Variants in SEPHS2 observed in about 807,000 individuals in gnomAD.
The protein encoded by SEPHS2 is selenide, water dikinase 2.
In SEPHS2, 11 loss-of-function variants were observed where a neutral mutation model predicts 23.9. The observed-to-expected ratio is 0.46, with a 90% CI of 0.29 to 0.76. The LOEUF (loss-of-function observed/expected upper bound fraction) is 0.76. Among genes scored for constraint, SEPHS2 ranks in the 30% least tolerant of loss-of-function variants. The probability of loss-of-function intolerance (pLI) is 0.10; values close to 1 mark genes in which losing one functional copy is unlikely to be tolerated. For synonymous variants in SEPHS2, 239 were observed against 247.5 expected, an observed-to-expected ratio of 0.97 and a Z score of 0.32; for missense variants, 541 against 592.5, an observed-to-expected ratio of 0.91 and a Z score of 0.90.
Position 30,444,723 on chromosome 16 carries a change from A to G in SEPHS2, c.1005T>C (p.Asn335=). Residue 335 remains asparagine (N), a synonymous_variant, in exon 1 of 1, where the codon AAT becomes AAC. Coordinates refer to ENST00000478753, the MANE Select transcript of SEPHS2 (RefSeq NM_012248.4). The surrounding 1 kb of genome is among the most constrained non-coding windows in gnomAD (Gnocchi z 4.0). The part of the protein sequence containing the change: ...HSQNLAKQQR[N]EVSFVIHNLP... ...GATTATGAATAACAAAGGACACTTC[A>G]TTTCTTTGTTGTTTTGCAAGGTTCT... is the stretch of plus-strand genomic sequence containing the variant. The G allele has an allele frequency of 1.9e-6, 3 of 1,604,432 alleles. No homozygotes were observed. Among genetic ancestry groups the G allele is most frequent in the Non-Finnish European group, 1.7e-6 (2 of 1,173,534 alleles).
rs1274353351 is a variant in SEPHS2 at position 30,444,311 on chromosome 16, T to A, written c.*70A>T. On this transcript the variant is annotated 3_prime_UTR_variant, in exon 1 of 1. Transcript: ENST00000478753. This position sits in a 1 kb window ranked among gnomAD's most constrained non-coding sequence, Gnocchi z 4.0. ...AGCCTTCTTTGGAAATTTCTTACAA[T>A]CAACTCTTGAGAACCATCCGTGATT... 2.7e-6 allele frequency: 4 copies of A among 1,468,452 alleles called. No individual in the cohort carries two copies. The highest frequency in any genetic ancestry group is 3.7e-6 in the Non-Finnish European group (4 of 1,092,786). 91.0% of individuals were successfully genotyped at this position (1,468,452 alleles called of 1,614,324 possible).
rs748387162 is a variant in SEPHS2 at position 30,445,105 on chromosome 16, G to C, written c.623C>G (p.Thr208Arg). ...GFRDAAEEGG[T>R]AVTGGQTVVN... Reference sequence around the variant, plus strand: ...CACCGTTTGCCCACCGGTCACTGCCGTCCCTCCTTCCTCAGCCGCATCCCG... The same window carrying C: ...CACCGTTTGCCCACCGGTCACTGCCCTCCCTCCTTCCTCAGCCGCATCCCG... The change falls in exon 1 of 1, where the codon ACG becomes AGG. Residue 208 changes from threonine (T) to arginine (R), a missense_variant. By Grantham distance (71) the Thr-to-Arg change is moderately conservative. Coordinates refer to ENST00000478753, the MANE Select transcript of SEPHS2 (RefSeq NM_012248.4). 3 of 1,601,172 alleles carry C rather than the reference G, an allele frequency of 1.9e-6. No individual in the cohort carries two copies. The highest frequency in any genetic ancestry group is 2.6e-6 in the Non-Finnish European group (3 of 1,171,972).
chr16:30,445,851 A>C lies in SEPHS2; in HGVS notation c.-124T>G. 1.6e-6 allele frequency: 2 copies of C among 1,280,120 alleles called. No individual in the cohort carries two copies. Among genetic ancestry groups the C allele is most frequent in the Non-Finnish European group, 2.1e-6 (2 of 960,408 alleles). 79.3% of individuals were successfully genotyped at this position (1,280,120 alleles called of 1,614,324 possible). ...TCCCTAGCGCTACTCAAGCCGTCAG[A>C]CCCACGGCATGCACAATCTTCCTGA... On this transcript the variant is annotated 5_prime_UTR_variant, in exon 1 of 1. Coordinates refer to ENST00000478753, the MANE Select transcript of SEPHS2 (RefSeq NM_012248.4).
rs1292347160 is a variant in SEPHS2 at position 30,445,442 on chromosome 16, C to T, written c.286G>A (p.Ala96Thr). The T allele has an allele frequency of 1.0e-5, 16 of 1,560,424 alleles. No homozygotes were observed. Among genetic ancestry groups the T allele is most frequent in the Non-Finnish European group, 1.3e-5 (15 of 1,157,538 alleles). Residue 96 changes from alanine (A) to threonine (T), a missense_variant, in exon 1 of 1, where the codon GCG (alanine) becomes ACG (threonine). Physicochemically the swap from Ala to Thr is moderately conservative, Grantham distance 58 (BLOSUM62 0). Transcript: ENST00000478753. ...GRGLVGGQEE[A>T]SQEAGLPAGA... is the part of the protein sequence containing the mutation. Reference sequence around the variant, plus strand: ...GCCGGCAGGCCGGCTTCCTGGGACGCCTCTTCCTGGCCACCCACCAGGCCC... The same window carrying T: ...GCCGGCAGGCCGGCTTCCTGGGACGTCTCTTCCTGGCCACCCACCAGGCCC...
In SEPHS2 at chr16:30,445,519, A is replaced by C. The variant is rs2151132910; in HGVS notation, c.209T>G (p.Leu70Arg). 6.5e-7 allele frequency: 1 copy of C among 1,535,370 alleles called. No homozygotes were observed. The highest frequency in any genetic ancestry group is 1.2e-5 in the South Asian group (1 of 84,454). Residue 70 changes from leucine to arginine, a missense_variant, in exon 1 of 1, where the codon CTC becomes CGC. By Grantham distance (102) the Leu-to-Arg change is moderately radical. Transcript: ENST00000478753. The stretch of plus-strand genomic sequence containing the variant: ...CCGCGTCAGTCCCGCCAGGAGTTTG[A>C]GCAGCGCCTCCTGCGGGACCTTGCA... Reference protein sequence around the residue: ...UGCKVPQEALLKLLAGLTRPD... With the variant: ...UGCKVPQEALRKLLAGLTRPD...
chr16:30,444,425 G>C lies in SEPHS2; in HGVS notation c.1303C>G (p.Leu435Val). The C allele has an allele frequency of 6.2e-7, 1 of 1,606,388 alleles. No individual in the cohort carries two copies. Among genetic ancestry groups the C allele is most frequent in the Non-Finnish European group, 8.5e-7 (1 of 1,174,460 alleles). Residue 435 changes from leucine to valine, a missense_variant, in exon 1 of 1, where the codon CTT (leucine) becomes GTT (valine). Physicochemically the swap from Leu to Val is conservative, Grantham distance 32 (BLOSUM62 1). This residue lies in a region of SEPHS2 where 224 missense variants were observed against 237.4 expected (regional missense o/e 0.94). Transcript: ENST00000478753. This position sits in a 1 kb window ranked among gnomAD's most constrained non-coding sequence, Gnocchi z 4.0. ...VLPRGATAAV[L>V]APDSSNASSE... is the part of the protein sequence containing the mutation. ...GAGGCATTTGAACTGTCAGGAGCAAGAACAGCAGCTGTGGCCCCACGAGGC... is the reference window on the plus strand; with the variant it reads ...GAGGCATTTGAACTGTCAGGAGCAACAACAGCAGCTGTGGCCCCACGAGGC...
At position 30,445,448 on chromosome 16, in the gene SEPHS2, C is replaced by T. The variant is rs760000069; in HGVS notation, c.280G>A (p.Glu94Lys). 3.2e-6 allele frequency: 5 copies of T among 1,556,298 alleles called. No homozygotes were observed. The highest frequency in any genetic ancestry group is 1.4e-5 in the African/African-American group (1 of 73,606). ...AGGCCGGCTTCCTGGGACGCCTCTT[C>T]CTGGCCACCCACCAGGCCCCGGCCC... ...PLGRGLVGGQ[E>K]EASQEAGLPA... is the part of the protein sequence containing the mutation. Residue 94 changes from glutamate (E) to lysine (K), a missense_variant, in exon 1 of 1, where the codon GAA becomes AAA. Around this residue, in one of 3 missense-constraint regions of SEPHS2, gnomAD observed 207 missense variants for 182.2 expected, o/e 1.14. Transcript: ENST00000478753.
rs759183809 is a variant in SEPHS2, at chr16:30,444,341, A to G, written c.*40T>C. 2 of 1,540,668 alleles carry G rather than the reference A, an allele frequency of 1.3e-6. No homozygotes were observed. The highest frequency in any genetic ancestry group is 1.2e-5 in the South Asian group (1 of 80,298). On this transcript the variant is annotated 3_prime_UTR_variant, in exon 1 of 1. Coordinates refer to ENST00000478753, the MANE Select transcript of SEPHS2 (RefSeq NM_012248.4). This position sits in a 1 kb window ranked among gnomAD's most constrained non-coding sequence, Gnocchi z 4.0. The stretch of plus-strand genomic sequence containing the variant: ...TCTTGAGAACCATCCGTGATTGTGG[A>G]CAATGGCTCTAAGGTCCAAACAACT...
In SEPHS2 at chr16:30,445,533, C is replaced by T; in HGVS notation, c.195G>A (p.Pro65=). The change falls in exon 1 of 1, where the codon CCG becomes CCA. Residue 65 remains proline (P), a synonymous_variant. Coordinates refer to ENST00000478753, the MANE Select transcript of SEPHS2 (RefSeq NM_012248.4). ...CCAGGAGTTTGAGCAGCGCCTCCTGCGGGACCTTGCAGCCTCAGCCCTTCA... is the reference window on the plus strand; with the variant it reads ...CCAGGAGTTTGAGCAGCGCCTCCTGTGGGACCTTGCAGCCTCAGCCCTTCA... ...SGMKGUGCKV[P]QEALLKLLAG... 2 of 1,534,254 alleles carry T rather than the reference C, an allele frequency of 1.3e-6. No homozygotes were observed. Among genetic ancestry groups the T allele is most frequent in the Admixed American group, 2.0e-5 (1 of 50,506 alleles).
In SEPHS2 at chr16:30,444,913, C is replaced by T. The variant is rs780754032; in HGVS notation, c.815G>A (p.Trp272Ter). The change falls in exon 1 of 1, where the codon TGG becomes TAG. Residue 272 changes from tryptophan to a stop codon, truncating the protein, a stop_gained. Coordinates refer to ENST00000478753, the MANE Select transcript of SEPHS2 (RefSeq NM_012248.4). LOFTEE classifies it high-confidence loss of function. The surrounding 1 kb of genome is among the most constrained non-coding windows in gnomAD (Gnocchi z 4.0). ...GGAGACCACCATCTTTACTTTATTC[C>T]ATCTTTCAGGATTATCCAGCCATTG... ...AHQWLDNPER[W>*]NKVKMVVSRE... 25 of 1,613,996 alleles carry T rather than the reference C, an allele frequency of 1.5e-5. No individual in the cohort carries two copies. Among genetic ancestry groups the T allele is most frequent in the Middle Eastern group, 1.6e-4 (1 of 6,084 alleles).
At position 30,445,851 on chromosome 16, in the gene SEPHS2, A is replaced by G. The variant is rs1383488650; in HGVS notation, c.-124T>C. On this transcript the variant is annotated 5_prime_UTR_variant, in exon 1 of 1. Coordinates refer to ENST00000478753, the MANE Select transcript of SEPHS2 (RefSeq NM_012248.4). ...TCCCTAGCGCTACTCAAGCCGTCAG[A>G]CCCACGGCATGCACAATCTTCCTGA... 1.6e-6 allele frequency: 2 copies of G among 1,280,000 alleles called. No individual in the cohort carries two copies. Among genetic ancestry groups the G allele is most frequent in the African/African-American group, 1.6e-5 (1 of 62,942 alleles). 79.3% of individuals were successfully genotyped at this position (1,280,000 alleles called of 1,614,324 possible).
At position 30,445,862 on chromosome 16, in the gene SEPHS2, G is replaced by A. The variant is rs1597045841; in HGVS notation, c.-135C>T. 4 of 1,215,572 alleles carry A rather than the reference G, an allele frequency of 3.3e-6. No individual in the cohort carries two copies. The highest frequency in any genetic ancestry group is 2.9e-5 in the East Asian group (1 of 33,980). 75.3% of individuals were successfully genotyped at this position (1,215,572 alleles called of 1,614,324 possible). A position where few individuals can be genotyped will look rare whatever the true frequency, so the allele number is the denominator to read the frequency against. On this transcript the variant is annotated 5_prime_UTR_variant, in exon 1 of 1. Coordinates refer to ENST00000478753, the MANE Select transcript of SEPHS2 (RefSeq NM_012248.4). ...ACTCAAGCCGTCAGACCCACGGCAT[G>A]CACAATCTTCCTGATAGAGGAGCCG...
At position 30,445,793 on chromosome 16, in the gene SEPHS2, G is replaced by A. The variant is rs1367901915; in HGVS notation, c.-66C>T. ...TTTTATTTTCCACTCAGATTAATAT[G>A]AAGCAAAAGTCAAATATTACCTGCA... is the stretch of plus-strand genomic sequence containing the variant. On this transcript the variant is annotated 5_prime_UTR_variant, in exon 1 of 1. Transcript: ENST00000478753. 9 of 1,474,022 alleles carry A rather than the reference G, an allele frequency of 6.1e-6. No homozygotes were observed. The East Asian group carries it at 2.4e-4, about 39-fold the overall frequency. 91.3% of individuals were successfully genotyped at this position (1,474,022 alleles called of 1,614,324 possible). A position where few individuals can be genotyped will look rare whatever the true frequency, so the allele number is the denominator to read the frequency against.
chr16:30,444,669 G>A lies in SEPHS2; in HGVS notation c.1059C>T (p.Val353=), dbSNP rs773384372. 1 of 1,610,438 alleles carries A rather than the reference G, an allele frequency of 6.2e-7. No individual in the cohort carries two copies. Among genetic ancestry groups the A allele is most frequent in the Non-Finnish European group, 8.5e-7 (1 of 1,177,586 alleles). The change falls in exon 1 of 1, where the codon GTC becomes GTT. Residue 353 remains valine (V), a synonymous_variant. Coordinates refer to ENST00000478753, the MANE Select transcript of SEPHS2 (RefSeq NM_012248.4). This position sits in a 1 kb window ranked among gnomAD's most constrained non-coding sequence, Gnocchi z 4.0. The stretch of plus-strand genomic sequence containing the variant: ...GCCCAAACCGTCCACTGGCCTTGCT[G>A]ACGGCAGCCATCTTGGCAATTATTG... ...NLPIIAKMAA[V]SKASGRFGLL...
At position 30,445,126 on chromosome 16, in the gene SEPHS2, TC is replaced by T; in HGVS notation, c.601del (p.Asp201MetfsTer?). 1.2e-6 allele frequency: 2 copies of T among 1,608,206 alleles called. No individual in the cohort carries two copies. Among genetic ancestry groups the T allele is most frequent in the Non-Finnish European group, 1.7e-6 (2 of 1,175,768 alleles). On this transcript the variant is annotated frameshift_variant, in exon 1 of 1. Transcript: ENST00000478753. LOFTEE classifies it high-confidence loss of function. ...VTPLMVKGFR[D>X]AAEEGGTAVT... Reference sequence around the variant, plus strand: ...TGCCGTCCCTCCTTCCTCAGCCGCATCCCGAAAGCCTTTGACCATGAGTGGC... The same window carrying T: ...TGCCGTCCCTCCTTCCTCAGCCGCATCCGAAAGCCTTTGACCATGAGTGGC...
chr16:30,444,559 A>G lies in SEPHS2; in HGVS notation c.1169T>C (p.Ile390Thr). ...REQAARFCSEIKSSKYGEGHQ... is the reference protein window; with the variant it reads ...REQAARFCSETKSSKYGEGHQ... ...ACCCTCTCCGTACTTGGAGGATTTG[A>G]TTTCAGAACAAAAGCGAGCCGCCTG... Residue 390 changes from isoleucine (I) to threonine (T), a missense_variant, in exon 1 of 1, where the codon ATC (isoleucine) becomes ACC (threonine). Ile to Thr is a moderately conservative substitution (Grantham distance 89, BLOSUM62 -1). Coordinates refer to ENST00000478753, the MANE Select transcript of SEPHS2 (RefSeq NM_012248.4). The surrounding 1 kb of genome is among the most constrained non-coding windows in gnomAD (Gnocchi z 4.0). 6.2e-7 allele frequency: 1 copy of G among 1,614,116 alleles called. No individual in the cohort carries two copies. Among genetic ancestry groups the G allele is most frequent in the Non-Finnish European group, 8.5e-7 (1 of 1,180,004 alleles).
Position 30,444,312 on chromosome 16 carries a change from C to A in SEPHS2, c.*69G>T, listed in dbSNP as rs769802171. 6.8e-7 allele frequency: 1 copy of A among 1,470,234 alleles called. No individual in the cohort carries two copies. Among genetic ancestry groups the A allele is most frequent in the Non-Finnish European group, 9.1e-7 (1 of 1,094,476 alleles). 91.1% of individuals were successfully genotyped at this position (1,470,234 alleles called of 1,614,324 possible). ...GCCTTCTTTGGAAATTTCTTACAAT[C>A]AACTCTTGAGAACCATCCGTGATTG... On this transcript the variant is annotated 3_prime_UTR_variant, in exon 1 of 1. Transcript: ENST00000478753. The surrounding 1 kb of genome is among the most constrained non-coding windows in gnomAD (Gnocchi z 4.0).
Position 30,444,288 on chromosome 16 carries a change from C to T in SEPHS2, c.*93G>A, listed in dbSNP as rs755620167. ...GCAGCCGGAACCACTATGCAGGCAG[C>T]CTTCTTTGGAAATTTCTTACAATCA... On this transcript the variant is annotated 3_prime_UTR_variant, in exon 1 of 1. Transcript: ENST00000478753. This position sits in a 1 kb window ranked among gnomAD's most constrained non-coding sequence, Gnocchi z 4.0. 25 of 1,343,936 alleles carry T rather than the reference C, an allele frequency of 1.9e-5. No homozygotes were observed. Among genetic ancestry groups the T allele is most frequent in the African/African-American group, 2.9e-5 (2 of 68,258 alleles). The allele number at this position is 1,343,936 out of a possible 1,614,324, so 83.3% of individuals were successfully genotyped here. A position where few individuals can be genotyped will look rare whatever the true frequency, so the allele number is the denominator to read the frequency against.
Position 30,444,314 on chromosome 16 carries a change from A to G in SEPHS2, c.*67T>C, listed in dbSNP as rs777174993. The G allele has an allele frequency of 1.4e-6, 2 of 1,468,120 alleles. No homozygotes were observed. The highest frequency in any genetic ancestry group is 1.4e-5 in the African/African-American group (1 of 70,628). The allele number at this position is 1,468,120 out of a possible 1,614,324, so 90.9% of individuals were successfully genotyped here. A position where few individuals can be genotyped will look rare whatever the true frequency, so the allele number is the denominator to read the frequency against. On this transcript the variant is annotated 3_prime_UTR_variant, in exon 1 of 1. Coordinates refer to ENST00000478753, the MANE Select transcript of SEPHS2 (RefSeq NM_012248.4). This position sits in a 1 kb window ranked among gnomAD's most constrained non-coding sequence, Gnocchi z 4.0. ...CTTCTTTGGAAATTTCTTACAATCA[A>G]CTCTTGAGAACCATCCGTGATTGTG...
Sources: gnomAD v4.1 joint callset for allele counts on GRCh38, gnomAD v4.1.1 for gene constraint, gnomAD v4.1.1 regional missense constraint, Gnocchi (gnomAD v3.1) non-coding constraint, MANE v1.5 for transcripts, NCBI Gene and HGNC (gene_info 2026-07-23, HGNC 2026-07-21) for gene names.